Variants in GLRA2 observed in about 807,000 individuals in gnomAD.
GLRA2 encodes the protein glycine receptor alpha 2.
In GLRA2, 11 loss-of-function variants were observed where a neutral mutation model predicts 31.6. That is an observed-to-expected ratio of 0.35 (90% CI 0.22 to 0.58). The LOEUF is 0.58. GLRA2 is among the 20% of genes least tolerant of loss of function. GLRA2 has a pLI of 0.84. For missense variants in GLRA2, 212 were observed against 351.8 expected (o/e 0.60, Z 3.18); for synonymous variants, 132 against 134.0 (o/e 0.99, Z 0.10).
rs184118566 is a variant in GLRA2 at position 14,685,686 on chromosome X, G to A, written c.931-5024G>A. ...TATCCCCTTTGTCATTTTTTATTGC[G>A]TCTATTTGATTCTTCTCTCTTTTCT... On this transcript the variant is annotated intron_variant, in intron 7 of 8. Coordinates refer to ENST00000218075, the MANE Select transcript of GLRA2 (RefSeq NM_002063.4). Among the ~76,000 whole-genome samples, 1,018 of 111,319 alleles carry A rather than the reference G, an allele frequency of 9.1e-3. 4 individuals are homozygous for A. Among genetic ancestry groups the A allele is most frequent in the Non-Finnish European group, 0.014 (750 of 53,003 alleles).
At position 14,628,284 on chromosome X, in the gene GLRA2, G is replaced by A. The variant is rs760983370; in HGVS notation, c.930+19079G>A. 7.2e-5 allele frequency among the ~76,000 whole-genome samples: 8 copies of A among 111,334 alleles called. No homozygotes were observed. The East Asian group carries it at 8.4e-4, about 12-fold the overall frequency. ...TTTCACATTTCTGAGTTTGGGTTGC[G>A]TCTTAAAATTGAAGGCAAAATAGAA... On this transcript the variant is annotated intron_variant, in intron 7 of 8. Coordinates refer to ENST00000218075, the MANE Select transcript of GLRA2 (RefSeq NM_002063.4).
chrX:14,480,702 T>C, the GLRA2 span, among the ~76,000 whole-genome samples: 1 of 111,750 alleles, frequency 8.9e-6, no homozygotes, highest in East Asian at 2.8e-4. Context: ...TTCTCTATAC[T>C]GTTCCATTGG....
At chrX:14,515,156 T>G in the GLRA2 span, among the ~76,000 whole-genome samples, 2 of 111,925 alleles carry the variant, frequency 1.8e-5, no homozygotes, top group African/African-American at 6.5e-5. Context: ...TGCAGATATA[T>G]AATCCTATGT....
At chrX:14,591,503 ACCGGAAGACTCAGCAAGT>A (rs938167385) in intron 4 of GLRA2, among the ~76,000 whole-genome samples, 1 of 111,779 alleles carries the variant, frequency 8.9e-6, no homozygotes, top group African/African-American at 3.3e-5. Flanking sequence ...AAAGATGAAG[ACCGGAAGACTCAGCAAGT>A]TGGCTCTTCC....
intron 4 of GLRA2, among the ~76,000 whole-genome samples, chrX:14,599,424 A>C (rs2090243279): frequency 8.9e-6 from 1 of 112,268 alleles, no homozygotes; most frequent in Non-Finnish European, 1.9e-5. Flanking sequence ...AAAATAGTTA[A>C]TTCTGTGAGA....
chrX:14,502,390 C>T, the GLRA2 span, among the ~76,000 whole-genome samples: 3 of 112,035 alleles, frequency 2.7e-5, no homozygotes, highest in Non-Finnish European at 3.8e-5. Flanking sequence ...GAATCCAATA[C>T]AAATACACAT....
rs181818225 is a variant in GLRA2 at position 14,609,415 on chromosome X, T to C, written c.930+210T>C. On this transcript the variant is annotated intron_variant, in intron 7 of 8. Coordinates refer to ENST00000218075, the MANE Select transcript of GLRA2 (RefSeq NM_002063.4). The stretch of plus-strand genomic sequence containing the variant: ...TCATATCATTTAGAGGAAAGGGAAA[T>C]TAGTATTGAGAGGGAAGAGAAATGA... 1.3e-4 allele frequency among the ~76,000 whole-genome samples: 14 copies of C among 110,336 alleles called. No individual in the cohort carries two copies. The East Asian group carries it at 3.8e-3, about 30-fold the overall frequency.
intron 8 of GLRA2, among the ~76,000 whole-genome samples, chrX:14,725,525 G>T (rs1458176245): frequency 2.7e-5 from 3 of 112,029 alleles, no homozygotes; most frequent in Non-Finnish European, 5.6e-5. Context: ...ATCTGGGTGA[G>T]AAATGCGATG....
At chrX:14,540,277 A>G (rs527968315) in intron 2 of GLRA2, among the ~76,000 whole-genome samples, 1 of 111,521 alleles carries the variant, frequency 9.0e-6, no homozygotes, top group Middle Eastern at 4.7e-3. Context: ...AACAGAACTG[A>G]AGAAGCAAGG....
the GLRA2 span, among the ~76,000 whole-genome samples, chrX:14,463,936 C>G: frequency 2.2e-4 from 25 of 111,832 alleles, no homozygotes; most frequent in Admixed American, 5.7e-4. Flanking sequence ...ATGCAGAAAT[C>G]ACCCGTCTTC....
the GLRA2 span, among the ~76,000 whole-genome samples, chrX:14,497,853 A>C: frequency 9.7e-6 from 1 of 103,569 alleles, no homozygotes; most frequent in Non-Finnish European, 1.9e-5. Flanking sequence ...TCCTGTTTCC[A>C]TGTGGCTCTG....
intron 2 of GLRA2, among the ~76,000 whole-genome samples, chrX:14,561,884 G>C: frequency 8.9e-6 from 1 of 111,810 alleles, no homozygotes; most frequent in Middle Eastern, 4.6e-3. Context: ...CCTTTGAATA[G>C]TTCTATTGTT....
chrX:14,646,210 C>A (rs1314875582), intron 7 of GLRA2, among the ~76,000 whole-genome samples: 1 of 112,075 alleles, frequency 8.9e-6, no homozygotes, highest in Non-Finnish European at 1.9e-5. Context: ...ATTGTCTAGA[C>A]TTAGACTGCA....
At chrX:14,715,481 G>A (rs777619712) in intron 8 of GLRA2, among the ~76,000 whole-genome samples, 5 of 111,469 alleles carry the variant, frequency 4.5e-5, no homozygotes, top group African/African-American at 9.8e-5. Context: ...ATGTCAGAAC[G>A]GGCCCCTGCA....
chrX:14,477,095 G>C, the GLRA2 span, among the ~76,000 whole-genome samples: 1 of 111,306 alleles, frequency 9.0e-6, no homozygotes, highest in African/African-American at 3.3e-5. Context: ...GCTGATTAAC[G>C]CCTTGAGTGC....
chrX:14,651,888 T>G (rs1156692196), intron 7 of GLRA2, among the ~76,000 whole-genome samples: 1 of 111,519 alleles, frequency 9.0e-6, no homozygotes, highest in Non-Finnish European at 1.9e-5. Flanking sequence ...TATTTGAAGA[T>G]GGGGCCCTTT....
intron 8 of GLRA2, among the ~76,000 whole-genome samples, chrX:14,711,641 G>A (rs2091711343): frequency 8.9e-6 from 1 of 112,419 alleles, no homozygotes; most frequent in Non-Finnish European, 1.9e-5. Context: ...TACCAGGCAT[G>A]TAAACTTTTA....
chrX:14,636,714 C>G (rs2090713507), intron 7 of GLRA2, among the ~76,000 whole-genome samples: 1 of 111,431 alleles, frequency 9.0e-6, no homozygotes. Context: ...ATAAATGTAC[C>G]ACGCCATAGT....
chrX:14,646,649 C>T (rs2147133703), intron 7 of GLRA2, among the ~76,000 whole-genome samples: 1 of 111,821 alleles, frequency 8.9e-6, no homozygotes, highest in South Asian at 3.8e-4. Flanking sequence ...TTTGAGGAGC[C>T]AGTCTCAGTC....
Sources: allele counts gnomAD v4.1 joint callset (sites outside exome capture counted in the v4.1 genomes callset), GRCh38; gene constraint gnomAD v4.1.1; transcripts MANE v1.5; gene names NCBI Gene and HGNC (gene_info 2026-07-23, HGNC 2026-07-21).